Variants in SPATA13 observed in about 807,000 individuals in gnomAD.
SPATA13 encodes the protein spermatogenesis-associated protein 13.
Under a neutral mutation model 104.0 loss-of-function variants are expected in SPATA13, and 50 were observed. The observed-to-expected ratio is 0.48, with a 90% CI of 0.38 to 0.61. The LOEUF (loss-of-function observed/expected upper bound fraction) is 0.61, where lower values mean the gene tolerates loss of function less well. SPATA13 is among the 20% of genes least tolerant of loss of function. The probability of loss-of-function intolerance (pLI) is 0.00; values close to 1 mark genes in which losing one functional copy is unlikely to be tolerated. For missense variants in SPATA13, 1,524 were observed against 1,690.6 expected, an observed-to-expected ratio of 0.90 and a Z score of 1.73; for synonymous variants, 606 against 667.5, an observed-to-expected ratio of 0.91 and a Z score of 1.42.
intron 12 of SPATA13, among the ~76,000 whole-genome samples, chr13:24,302,023 C>T (rs1178701980): frequency 6.6e-6 from 1 of 152,148 alleles, no homozygotes. Context: ...AGAATTTGGG[C>T]CAAGGCAGCA....
At chr13:24,080,054 T>C (rs186126154) in intron 3 of SPATA13, among the ~76,000 whole-genome samples, 25 of 152,342 alleles carry the variant, frequency 1.6e-4, no homozygotes, top group African/African-American at 5.8e-4. Flanking sequence ...TATATTAAAA[T>C]ATTCAACATC....
intron 1 of SPATA13, among the ~76,000 whole-genome samples, chr13:24,208,466 A>G (rs966871612): frequency 6.6e-6 from 1 of 152,172 alleles, no homozygotes; most frequent in Non-Finnish European, 1.5e-5. Flanking sequence ...GTGAGTGAAT[A>G]TAGGTGGAGT....
intron 3 of SPATA13, among the ~76,000 whole-genome samples, chr13:24,144,076 G>A (rs1881852691): frequency 6.6e-6 from 1 of 152,174 alleles, no homozygotes; most frequent in South Asian, 2.1e-4. Context: ...GAATGTTCAT[G>A]AGCTGAATGT....
chr13:24,209,096 A>G lies in SPATA13; in HGVS notation c.-111-13723A>G, dbSNP rs143091119. 9.7e-4 allele frequency among the ~76,000 whole-genome samples: 147 copies of G among 152,254 alleles called. 2 individuals are homozygous for G. Among genetic ancestry groups the G allele is most frequent in the African/African-American group, 3.1e-3 (128 of 41,554 alleles). On this transcript the variant is annotated intron_variant, in intron 1 of 12. Coordinates refer to ENST00000382108, the MANE Select transcript of SPATA13 (RefSeq NM_001166271.3). Reference sequence around the variant, plus strand: ...AGCTCTCAGCACTGATGCAGGGGTCATTCTAACGGAGGTGCAGAGATAGAC... The same window carrying G: ...AGCTCTCAGCACTGATGCAGGGGTCGTTCTAACGGAGGTGCAGAGATAGAC...
intron 3 of SPATA13, chr13:24,251,403 T>G (rs1305865261): frequency 2.2e-6 from 2 of 904,088 alleles, no homozygotes; most frequent in African/African-American, 3.6e-5. Context: ...GTGTGACAAC[T>G]CCACTGCTTC....
chr13:24,150,179 C>T (rs1341638241), intron 3 of SPATA13, among the ~76,000 whole-genome samples: 1 of 152,118 alleles, frequency 6.6e-6, no homozygotes, highest in African/African-American at 2.4e-5. Context: ...GACACATTGG[C>T]TCTACAGTGC....
intron 3 of SPATA13, among the ~76,000 whole-genome samples, chr13:24,055,856 T>C (rs1259679914): frequency 6.6e-6 from 1 of 152,218 alleles, no homozygotes; most frequent in East Asian, 1.9e-4. Context: ...AGGAGTCCAA[T>C]CCACCACCGC....
intron 3 of SPATA13, among the ~76,000 whole-genome samples, chr13:24,135,219 A>AG (rs1593351967): frequency 3.0e-5 from 2 of 66,252 alleles, no homozygotes; most frequent in East Asian, 3.7e-3. Flanking sequence ...TCATTATTCG[A>AG]AAAAAAAAAT....
intron 3 of SPATA13, among the ~76,000 whole-genome samples, chr13:24,090,825 A>G (rs1879885331): frequency 6.6e-6 from 1 of 152,238 alleles, no homozygotes; most frequent in African/African-American, 2.4e-5. Flanking sequence ...TCCTGTGTGC[A>G]TGGAACTAAA....
chr13:24,249,855 G>C lies in SPATA13; in HGVS notation c.2019+13G>C, dbSNP rs572282902. The C allele has an allele frequency of 6.3e-7, 1 of 1,576,548 alleles. No homozygotes were observed. Among genetic ancestry groups the C allele is most frequent in the Non-Finnish European group, 8.6e-7 (1 of 1,160,470 alleles). ...TCTTCTGACCCAAGTAAGATCTGGTGTGCACTTCCCCAAGCCAGCAGAGGC... is the reference window on the plus strand; with the variant it reads ...TCTTCTGACCCAAGTAAGATCTGGTCTGCACTTCCCCAAGCCAGCAGAGGC... On this transcript the variant is annotated intron_variant, in intron 3 of 12. Coordinates refer to ENST00000382108, the MANE Select transcript of SPATA13 (RefSeq NM_001166271.3).
chr13:24,166,824 G>T (rs908878193), intron 1 of SPATA13, among the ~76,000 whole-genome samples: 2 of 152,164 alleles, frequency 1.3e-5, no homozygotes, highest in Non-Finnish European at 2.9e-5. Context: ...CCTCTTTTAT[G>T]AGGGCATTAA....
At chr13:24,167,980 G>GT (rs1456374121) in intron 1 of SPATA13, among the ~76,000 whole-genome samples, 1 of 152,034 alleles carries the variant, frequency 6.6e-6, no homozygotes, top group African/African-American at 2.4e-5. Context: ...ACAAAGTAGG[G>GT]TTTTTTTGGT....
At chr13:24,184,277 T>C (rs1456990811) in intron 1 of SPATA13, among the ~76,000 whole-genome samples, 1 of 152,178 alleles carries the variant, frequency 6.6e-6, no homozygotes, top group Admixed American at 6.5e-5. Context: ...AATGTTTGGT[T>C]TTGCCCTGAA....
intron 4 of SPATA13, chr13:24,270,993 CT>C: frequency 2.1e-6 from 1 of 469,730 alleles, no homozygotes. Context: ...AGTTCTTCCC[CT>C]CTCTCTCTCT....
chr13:24,302,459 C>CAAAAAAAAAAAAAAAAAAAAAAAAA (rs71070678), intron 12 of SPATA13, 139 bp from the exon 13 acceptor site: 1 of 179,452 alleles, frequency 5.6e-6, no homozygotes, highest in Non-Finnish European at 9.9e-6. Context: ...GACCCTGTCT[C>CAAAAAAAAAAAAAAAAAAAAAAAAA]AAAAAAAAAA....
At chr13:24,165,190 C>T (rs1034665363) in intron 1 of SPATA13, among the ~76,000 whole-genome samples, 5 of 152,134 alleles carry the variant, frequency 3.3e-5, no homozygotes, top group Admixed American at 1.3e-4. Context: ...CACCCATTTC[C>T]CTGAAGCGGG....
intron 3 of SPATA13, among the ~76,000 whole-genome samples, chr13:24,141,727 A>G (rs1350065080): frequency 6.6e-6 from 1 of 152,244 alleles, no homozygotes; most frequent in East Asian, 1.9e-4. Flanking sequence ...ACCCATAAAC[A>G]TTGCTGCTTT....
intron 3 of SPATA13, among the ~76,000 whole-genome samples, chr13:24,020,455 C>T (rs1403159885): frequency 6.6e-6 from 1 of 152,096 alleles, no homozygotes; most frequent in Non-Finnish European, 1.5e-5. Context: ...ATTCACAATC[C>T]ATTTGAGTTG....
At chr13:24,038,284 A>G (rs1260013402) in intron 3 of SPATA13, among the ~76,000 whole-genome samples, 3 of 152,174 alleles carry the variant, frequency 2.0e-5, no homozygotes, top group Admixed American at 2.0e-4. Context: ...ATCTGCTATA[A>G]TGGGATCAGA....
Sources: gnomAD v4.1 joint callset for allele counts (sites outside exome capture counted in the v4.1 genomes callset) on GRCh38, gnomAD v4.1.1 for gene constraint, MANE v1.5 for transcripts, NCBI Gene and HGNC (gene_info 2026-07-23, HGNC 2026-07-21) for gene names.